The following GJC1 variants were observed in gnomAD, a reference collection of about 807,000 sequenced individuals.
GJC1 encodes gap junction gamma-1 protein.
A neutral mutation model predicts 29.3 loss-of-function variants in GJC1; 5 were observed. The ratio of observed to expected loss-of-function variants is 0.17; its 90% CI spans 0.09 to 0.36. The LOEUF is 0.36. Ranked by LOEUF, GJC1 falls within the 10% of genes least tolerant of loss-of-function variation. The pLI, the probability that GJC1 is intolerant of heterozygous loss-of-function variation, is 1.00. For missense variants in GJC1, 310 were observed against 496.2 expected, an observed-to-expected ratio of 0.62 and a Z score of 3.56; for synonymous variants, 177 against 183.3, an observed-to-expected ratio of 0.97 and a Z score of 0.28.
intron 1 of GJC1, among the ~76,000 whole-genome samples, chr17:44,810,282 C>A (rs112132746): frequency 0.055 from 8,437 of 152,262 alleles, 297 homozygotes; most frequent in Non-Finnish European, 0.079. Flanking sequence ...CAGGCATGAG[C>A]CATCGCGCCC....
chr17:44,825,753 TGAAA>T (rs1316018986), intron 1 of GJC1, among the ~76,000 whole-genome samples: 1 of 147,782 alleles, frequency 6.8e-6, no homozygotes, highest in Non-Finnish European at 1.5e-5. Flanking sequence ...CCACCCTGGG[TGAAA>T]GAGTGAGACT....
At chr17:44,809,745 T>C (rs1444112990) in intron 1 of GJC1, among the ~76,000 whole-genome samples, 1 of 151,860 alleles carries the variant, frequency 6.6e-6, no homozygotes, top group East Asian at 1.9e-4. Flanking sequence ...TAATTTTGTA[T>C]TTTTAGTAGA....
intron 1 of GJC1, among the ~76,000 whole-genome samples, chr17:44,819,678 A>G (rs2050086044): frequency 6.6e-6 from 1 of 150,430 alleles, no homozygotes; most frequent in Non-Finnish European, 1.5e-5. Context: ...AAATAAATAA[A>G]TAAATAAATA....
intron 1 of GJC1, among the ~76,000 whole-genome samples, chr17:44,810,580 C>A (rs891064861): frequency 6.6e-6 from 1 of 152,072 alleles, no homozygotes; most frequent in African/African-American, 2.4e-5. Context: ...GAATGAGTAT[C>A]GCTACGGTCT....
At chr17:44,830,850 G>A, upstream of GJC1, 2 of 396,344 alleles carry the variant, frequency 5.0e-6, no homozygotes, top group Non-Finnish European at 8.9e-6. The surrounding 1 kb of genome is among the most constrained non-coding windows in gnomAD (Gnocchi z 4.3). Flanking sequence ...TCTCGGATTA[G>A]CAAGACCCTA....
downstream of GJC1, among the ~76,000 whole-genome samples, chr17:44,797,046 C>CA (rs1228692644): frequency 6.6e-6 from 1 of 152,118 alleles, no homozygotes; most frequent in African/African-American, 2.4e-5. Flanking sequence ...GACAGGGTCT[C>CA]ACTATGTTGC....
downstream of GJC1, among the ~76,000 whole-genome samples, chr17:44,795,390 C>T (rs566274948): frequency 2.6e-5 from 4 of 152,248 alleles, no homozygotes; most frequent in East Asian, 1.9e-4. Context: ...CCTTCCACTG[C>T]GCCCAGCTAA....
intron 1 of GJC1, among the ~76,000 whole-genome samples, chr17:44,819,659 A>AAAAT (rs199517100): frequency 0.074 from 10,790 of 146,150 alleles, 632 homozygotes; most frequent in African/African-American, 0.16. Flanking sequence ...CTCCGTCTCA[A>AAAAT]AAATAAATAA....
rs374340819 is a variant in GJC1, at chr17:44,825,816, CA to C, written c.-97+4245del. Among the ~76,000 whole-genome samples, 99 of 151,920 alleles carry C rather than the reference CA, an allele frequency of 6.5e-4. 1 individual carries two copies. Among genetic ancestry groups the C allele is most frequent in the African/African-American group, 2.3e-3 (97 of 41,458 alleles). On this transcript the variant is annotated intron_variant, in intron 1 of 2. Coordinates refer to ENST00000592524, the MANE Select transcript of GJC1 (RefSeq NM_005497.4). Reference sequence around the variant, plus strand: ...AAAAGTTGAATGACTTAATGGGCACCAGAATGCTTTTGTCCAAATTGTGCTT... The same window carrying C: ...AAAAGTTGAATGACTTAATGGGCACCGAATGCTTTTGTCCAAATTGTGCTT...
chr17:44,816,336 T>C (rs1053316899), intron 1 of GJC1, among the ~76,000 whole-genome samples: 41 of 152,072 alleles, frequency 2.7e-4, no homozygotes, highest in Non-Finnish European at 4.0e-4. Flanking sequence ...AAATCTACCT[T>C]GTCTTACACT....
chr17:44,816,133 A>AAAAAG lies in GJC1; in HGVS notation c.-96-8665_-96-8664insCTTTT, dbSNP rs1251758836. ...GTCTCAAAAAAAAAAAAAAAAAAAA[A>AAAAAG]AAAAAGTTGCTTTTTTCTAGAACGG... On this transcript the variant is annotated intron_variant, in intron 1 of 2. Transcript: ENST00000592524. Among the ~76,000 whole-genome samples the AAAAAG allele has an allele frequency of 8.6e-4, 130 of 150,780 alleles. 1 individual carries two copies. Among genetic ancestry groups the AAAAAG allele is most frequent in the African/African-American group, 3.1e-3 (125 of 40,832 alleles).
At chr17:44,810,171 T>G (rs569852952) in intron 1 of GJC1, among the ~76,000 whole-genome samples, 3 of 151,980 alleles carry the variant, frequency 2.0e-5, no homozygotes, top group African/African-American at 7.2e-5. Context: ...TAATTTTGTA[T>G]TTTTAGTAGA....
At chr17:44,794,565 C>T (rs1411553996), downstream of GJC1, 1 of 152,232 alleles carries the variant, frequency 6.6e-6, no homozygotes, top group Non-Finnish European at 1.5e-5. Context: ...AGGAGCTCCC[C>T]GTCAGTGCTT....
Position 44,800,031 on chromosome 17 carries a change from G to A in GJC1, c.*4596C>T, listed in dbSNP as rs1382022901. 2 of 152,234 alleles carry A rather than the reference G, an allele frequency of 1.3e-5. No homozygotes were observed. Among genetic ancestry groups the A allele is most frequent in the Non-Finnish European group, 2.9e-5 (2 of 68,048 alleles). 9.4% of individuals were successfully genotyped at this position (152,234 alleles called of 1,614,324 possible). On this transcript the variant is annotated 3_prime_UTR_variant, in exon 3 of 3. Coordinates refer to ENST00000592524, the MANE Select transcript of GJC1 (RefSeq NM_005497.4). The stretch of plus-strand genomic sequence containing the variant: ...ATGCAATTCAATGATTCCAACATTT[G>A]ATGGTGACTGTGAATTATTACATAT...
At chr17:44,797,144 T>TGTCCA, downstream of GJC1, among the ~76,000 whole-genome samples, 1 of 152,108 alleles carries the variant, frequency 6.6e-6, no homozygotes, top group South Asian at 2.1e-4. Context: ...CTAGCTCTGT[T>TGTCCA]GCCCAGGCTG....
chr17:44,806,380 C>T (rs1302075004), intron 2 of GJC1, among the ~76,000 whole-genome samples: 1 of 150,210 alleles, frequency 6.7e-6, no homozygotes, highest in Admixed American at 6.7e-5. Context: ...AGATATTTCT[C>T]AGACCTTGGT....
At chr17:44,825,779 G>GAA (rs34179777) in intron 1 of GJC1, among the ~76,000 whole-genome samples, 2 of 129,808 alleles carry the variant, frequency 1.5e-5, no homozygotes, top group Non-Finnish European at 3.4e-5. Context: ...AGTCTCAAAA[G>GAA]AAAAAAAAAA....
chr17:44,814,845 G>A (rs1415128717), intron 1 of GJC1, among the ~76,000 whole-genome samples: 2 of 152,058 alleles, frequency 1.3e-5, no homozygotes, highest in Non-Finnish European at 2.9e-5. Context: ...TGGAGGCTGA[G>A]GCAGGAGAAC....
rs1597734930 is a variant in GJC1, at chr17:44,798,685, A to T, written c.*5942T>A. On this transcript the variant is annotated 3_prime_UTR_variant, in exon 3 of 3. Transcript: ENST00000592524. ...TTTAATTTTACATTTAAATTATCTT[A>T]AAAGGCTGGAAGTCCTAGCTAAGTT... The T allele has an allele frequency of 6.6e-6, 1 of 152,230 alleles. No homozygotes were observed. The highest frequency in any genetic ancestry group is 1.5e-5 in the Non-Finnish European group (1 of 68,044). 9.4% of individuals were successfully genotyped at this position (152,230 alleles called of 1,614,324 possible). A position where few individuals can be genotyped will look rare whatever the true frequency, so the allele number is the denominator to read the frequency against.
Sources: gnomAD v4.1 joint callset for allele counts (sites outside exome capture counted in the v4.1 genomes callset) on GRCh38, gnomAD v4.1.1 for gene constraint, Gnocchi (gnomAD v3.1) non-coding constraint, MANE v1.5 for transcripts, NCBI Gene and HGNC (gene_info 2026-07-23, HGNC 2026-07-21) for gene names.